VAV1: variants seen among roughly 807,000 people sequenced by gnomAD.
VAV1 encodes the protein proto-oncogene vav.
In VAV1, 33 loss-of-function variants were observed where a neutral mutation model predicts 128.1. That is an observed-to-expected ratio of 0.26 (90% CI 0.20 to 0.34). The LOEUF (loss-of-function observed/expected upper bound fraction) is 0.34, where lower values mean the gene tolerates loss of function less well. VAV1 is among the 10% of genes least tolerant of loss of function. The pLI is 1.00. For synonymous variants in VAV1, 394 were observed against 409.8 expected, an observed-to-expected ratio of 0.96 and a Z score of 0.47; for missense variants, 715 against 1,093.7, an observed-to-expected ratio of 0.65 and a Z score of 4.88.
In VAV1 at chr19:6,825,394, A is replaced by G; in HGVS notation, c.815A>G (p.Lys272Arg). 6.2e-7 allele frequency: 1 copy of G among 1,612,942 alleles called. No homozygotes were observed. The highest frequency in any genetic ancestry group is 8.5e-7 in the Non-Finnish European group (1 of 1,179,142). The change falls in exon 8 of 27, where the codon AAA (lysine) becomes AGA (arginine). Residue 272 changes from lysine (K) to arginine (R), a missense_variant. By Grantham distance (26) the Lys-to-Arg change is conservative. Transcript: ENST00000602142. ...GAANLYQVFI[K>R]YKERFLVYGR... Reference sequence around the variant, plus strand: ...GCCAATCTCTACCAGGTCTTCATCAAATACAAGGAGAGGTGAGACCCAGCT... The same window carrying G: ...GCCAATCTCTACCAGGTCTTCATCAGATACAAGGAGAGGTGAGACCCAGCT...
In VAV1 at chr19:6,777,328, G is replaced by C. The variant is rs1970669738; in HGVS notation, c.204+4317G>C. ...GCCAGGCCCTGTTCTTGGTGCTGGG[G>C]ACAGTGGGAATAGCACACACACACA... On this transcript the variant is annotated intron_variant, in intron 1 of 26. Coordinates refer to ENST00000602142, the MANE Select transcript of VAV1 (RefSeq NM_005428.4). The surrounding 1 kb of genome is among the most constrained non-coding windows in gnomAD (Gnocchi z 4.4). Among the ~76,000 whole-genome samples the C allele has an allele frequency of 6.6e-6, 1 of 152,142 alleles. No individual in the cohort carries two copies. The highest frequency in any genetic ancestry group is 1.5e-5 in the Non-Finnish European group (1 of 68,028).
At chr19:6,817,252 TG>T (rs1262458200) in intron 1 of VAV1, among the ~76,000 whole-genome samples, 2 of 151,622 alleles carry the variant, frequency 1.3e-5, no homozygotes, top group African/African-American at 2.4e-5. Flanking sequence ...TTAGTAGAAA[TG>T]GGGTTTCACC....
intron 1 of VAV1, among the ~76,000 whole-genome samples, chr19:6,799,844 CAAAAAAA>C (rs60826995): frequency 8.2e-5 from 4 of 48,950 alleles, no homozygotes; most frequent in Admixed American, 4.5e-4. Context: ...GAGACTGTCT[CAAAAAAA>C]AAAAAAAAAA....
intron 1 of VAV1, chr19:6,784,034 G>C (rs1244012589): frequency 5.0e-6 from 2 of 402,420 alleles, no homozygotes; most frequent in Admixed American, 4.0e-5. Context: ...CAGGAGGATT[G>C]CTTGAGGCTA....
At chr19:6,774,928 T>A (rs1004035361) in intron 1 of VAV1, among the ~76,000 whole-genome samples, 25 of 150,748 alleles carry the variant, frequency 1.7e-4, no homozygotes, top group Non-Finnish European at 3.5e-4. Flanking sequence ...CTAATTTTTT[T>A]TTTTTTTTTG....
intron 1 of VAV1, among the ~76,000 whole-genome samples, chr19:6,785,228 G>A (rs1421191932): frequency 1.3e-5 from 2 of 152,138 alleles, no homozygotes. Flanking sequence ...CTGGAGTGCA[G>A]TGGTGTTATC....
At chr19:6,789,107 C>A (rs530268393) in intron 1 of VAV1, among the ~76,000 whole-genome samples, 2 of 152,124 alleles carry the variant, frequency 1.3e-5, no homozygotes, top group African/African-American at 2.4e-5. Flanking sequence ...GCCCTGGGGG[C>A]GGGCAAACCA....
intron 6 of VAV1, among the ~76,000 whole-genome samples, chr19:6,823,683 C>T (rs139303999): frequency 2.3e-4 from 35 of 152,050 alleles, no homozygotes; most frequent in African/African-American, 1.9e-4. Flanking sequence ...GGTCTCCTCT[C>T]GCTACTTTCT....
At chr19:6,844,200 G>A (rs1972460395) in intron 22 of VAV1, among the ~76,000 whole-genome samples, 1 of 145,200 alleles carries the variant, frequency 6.9e-6, no homozygotes, top group Non-Finnish European at 1.5e-5. Flanking sequence ...CAGTGCCTCA[G>A]TTTATCATCT....
chr19:6,825,522 T>C, intron 8 of VAV1, 116 bp downstream of exon 8: 1 of 847,316 alleles, frequency 1.2e-6, no homozygotes, highest in Non-Finnish European at 1.9e-6. Context: ...TTGCTGTGTG[T>C]TCATGGGCGA....
intron 1 of VAV1, among the ~76,000 whole-genome samples, chr19:6,786,699 C>G (rs921653468): frequency 6.6e-6 from 1 of 152,100 alleles, no homozygotes; most frequent in Non-Finnish European, 1.5e-5. Flanking sequence ...GGAAGGATCA[C>G]TTCAGCCTGG....
At chr19:6,809,919 C>T (rs1397987719) in intron 1 of VAV1, among the ~76,000 whole-genome samples, 2 of 151,982 alleles carry the variant, frequency 1.3e-5, no homozygotes, top group Non-Finnish European at 2.9e-5. Flanking sequence ...GCCTGTAATA[C>T]CAGCACTTTG....
chr19:6,832,490 CCT>C (rs1264094504), intron 15 of VAV1, among the ~76,000 whole-genome samples: 1 of 150,940 alleles, frequency 6.6e-6, no homozygotes, highest in Non-Finnish European at 1.5e-5. Context: ...TCCTCCTCCT[CCT>C]CTTTCTCCTT....
Position 6,822,410 on chromosome 19 carries a change from C to T in VAV1, c.559-9C>T, listed in dbSNP as rs1461338306. Reference sequence around the variant, plus strand: ...GCCCCCCAACACCGGCCTCTCCCCTCGCTCTCAGCCCAAGATGACAGAGTA... The same window carrying T: ...GCCCCCCAACACCGGCCTCTCCCCTTGCTCTCAGCCCAAGATGACAGAGTA... On this transcript the variant is annotated splice_polypyrimidine_tract_variant and intron_variant, in intron 5 of 26. Coordinates refer to ENST00000602142, the MANE Select transcript of VAV1 (RefSeq NM_005428.4). This position sits in a 1 kb window ranked among gnomAD's most constrained non-coding sequence, Gnocchi z 5.9. 9.0e-6 allele frequency: 14 copies of T among 1,556,862 alleles called. No homozygotes were observed. The highest frequency in any genetic ancestry group is 1.9e-5 in the Admixed American group (1 of 51,740).
intron 1 of VAV1, among the ~76,000 whole-genome samples, chr19:6,814,054 T>C (rs746253966): frequency 1.3e-5 from 2 of 152,100 alleles, no homozygotes; most frequent in Non-Finnish European, 2.9e-5. Context: ...AGTGATACCC[T>C]GTCTCTAAAA....
chr19:6,812,375 C>A (rs1218558231), intron 1 of VAV1, among the ~76,000 whole-genome samples: 1 of 152,122 alleles, frequency 6.6e-6, no homozygotes, highest in East Asian at 1.9e-4. Flanking sequence ...CAAAAATTGA[C>A]CGGGTGCAGT....
rs144682627 is a variant in VAV1, at chr19:6,800,481, G to A, written c.205-20221G>A. ...TGTTCCACCACACCCAGCTAATTTT[G>A]TATTTTTAGCAGAGACAGGTTTCAC... On this transcript the variant is annotated intron_variant, in intron 1 of 26. Coordinates refer to ENST00000602142, the MANE Select transcript of VAV1 (RefSeq NM_005428.4). Among the ~76,000 whole-genome samples, 193 of 150,816 alleles carry A rather than the reference G, an allele frequency of 1.3e-3. 2 individuals carry two copies. The East Asian group carries it at 0.032, about 25-fold the overall frequency.
In VAV1 at chr19:6,850,765, T is replaced by C. The variant is rs142402540; in HGVS notation, c.2217+8T>C. On this transcript the variant is annotated splice_region_variant and intron_variant, in intron 24 of 26. Coordinates refer to ENST00000602142, the MANE Select transcript of VAV1 (RefSeq NM_005428.4). The stretch of plus-strand genomic sequence containing the variant: ...GCTTTCCGGGGGCTTACGGTAAGGG[T>C]CAATGTCCGCTCAATCCCAGCTTTC... The C allele has an allele frequency of 4.5e-4, 728 of 1,613,602 alleles. 3 individuals carry two copies. The African/African-American group carries it at 8.9e-3, about 20-fold the overall frequency.
chr19:6,817,806 C>T (rs1449341885), intron 1 of VAV1, among the ~76,000 whole-genome samples: 1 of 152,082 alleles, frequency 6.6e-6, no homozygotes, highest in African/African-American at 2.4e-5. Flanking sequence ...CCTCTCTCAG[C>T]CTCCCGAGTA....
Sources: allele counts gnomAD v4.1 joint callset (sites outside exome capture counted in the v4.1 genomes callset), GRCh38; gene constraint gnomAD v4.1.1; non-coding constraint Gnocchi (gnomAD v3.1); transcripts MANE v1.5; gene names NCBI Gene and HGNC (gene_info 2026-07-23, HGNC 2026-07-21).